Variants in ARHGAP15 observed in about 807,000 individuals in gnomAD.
ARHGAP15 encodes rho GTPase-activating protein 15.
In ARHGAP15, 51 loss-of-function variants were observed where a neutral mutation model predicts 63.7. The ratio of observed to expected loss-of-function variants is 0.80; its 90% confidence interval spans 0.64 to 1.01. ARHGAP15 has a LOEUF of 1.01. Among genes scored for constraint, ARHGAP15 ranks in the 50% least tolerant of loss-of-function variants. ARHGAP15 has a pLI of 0.00. For missense variants in ARHGAP15, 560 were observed against 564.6 expected, an observed-to-expected ratio of 0.99 and a Z score of 0.08; for synonymous variants, 191 against 193.8, an observed-to-expected ratio of 0.99 and a Z score of 0.12.
At chr2:143,232,490 A>C (rs903151922) in intron 5 of ARHGAP15, among the ~76,000 whole-genome samples, 1 of 152,174 alleles carries the variant, frequency 6.6e-6, no homozygotes, top group Non-Finnish European at 1.5e-5. Flanking sequence ...TTTTTAATGT[A>C]TTTTTATTTA....
intron 6 of ARHGAP15, among the ~76,000 whole-genome samples, chr2:143,339,916 T>A (rs1684980341): frequency 6.6e-6 from 1 of 152,192 alleles, no homozygotes; most frequent in South Asian, 2.1e-4. Flanking sequence ...CTCATACAAC[T>A]TTGTAGATGG....
intron 6 of ARHGAP15, among the ~76,000 whole-genome samples, chr2:143,333,096 C>G (rs1406158634): frequency 1.3e-5 from 2 of 151,718 alleles, no homozygotes; most frequent in Non-Finnish European, 2.9e-5. Flanking sequence ...AATTAAATAA[C>G]GAGCAGTTTA....
At chr2:143,728,396 G>C (rs540141695) in intron 13 of ARHGAP15, among the ~76,000 whole-genome samples, 1 of 152,104 alleles carries the variant, frequency 6.6e-6, no homozygotes, top group Non-Finnish European at 1.5e-5. Context: ...CTGAGCTAAC[G>C]GTAGCTGGTG....
At chr2:143,534,458 C>T (rs78686526) in intron 10 of ARHGAP15, among the ~76,000 whole-genome samples, 3 of 152,228 alleles carry the variant, frequency 2.0e-5, no homozygotes, top group South Asian at 2.1e-4. Flanking sequence ...GAGAGTGATA[C>T]GGTGAGAGAA....
At chr2:143,246,655 C>T (rs941343110) in intron 5 of ARHGAP15, among the ~76,000 whole-genome samples, 1 of 151,662 alleles carries the variant, frequency 6.6e-6, no homozygotes, top group Admixed American at 6.6e-5. Flanking sequence ...AGAGCGATAT[C>T]CTTGGAGGAG....
intron 5 of ARHGAP15, among the ~76,000 whole-genome samples, chr2:143,232,609 T>G (rs1693489779): frequency 6.6e-6 from 1 of 152,202 alleles, no homozygotes. Flanking sequence ...GCATAAGCAC[T>G]ACCCAGGATG....
At chr2:143,215,034 C>A (rs1692695115) in intron 3 of ARHGAP15, among the ~76,000 whole-genome samples, 2 of 152,124 alleles carry the variant, frequency 1.3e-5, no homozygotes, top group Admixed American at 6.6e-5. Flanking sequence ...CCAAAATATT[C>A]CAGAAGCTAG....
At chr2:143,735,507 G>A (rs773433758) in intron 13 of ARHGAP15, among the ~76,000 whole-genome samples, 9 of 152,158 alleles carry the variant, frequency 5.9e-5, no homozygotes, top group East Asian at 1.9e-4. Flanking sequence ...TCAGCTTAGC[G>A]TACTCAGGGG....
chr2:143,749,216 A>G (rs548541787), intron 13 of ARHGAP15, among the ~76,000 whole-genome samples: 265 of 152,294 alleles, frequency 1.7e-3, no homozygotes, highest in Non-Finnish European at 2.9e-3. Context: ...GTGGCCTCCA[A>G]TCGAAGGGCA....
At chr2:143,367,780 A>C (rs1181513099) in intron 6 of ARHGAP15, among the ~76,000 whole-genome samples, 1 of 152,034 alleles carries the variant, frequency 6.6e-6, no homozygotes, top group Non-Finnish European at 1.5e-5. Context: ...TGTATTTGTC[A>C]CAAACAGCAT....
intron 12 of ARHGAP15, among the ~76,000 whole-genome samples, chr2:143,660,954 C>G (rs1681736448): frequency 6.6e-6 from 1 of 152,192 alleles, no homozygotes; most frequent in African/African-American, 2.4e-5. Flanking sequence ...GGGTTAAAAT[C>G]AGAGTGTTCT....
At chr2:143,243,215 A>AAACTT (rs1435666440) in intron 5 of ARHGAP15, among the ~76,000 whole-genome samples, 1 of 152,206 alleles carries the variant, frequency 6.6e-6, no homozygotes, top group Non-Finnish European at 1.5e-5. Flanking sequence ...GAAAAATGGG[A>AAACTT]AACTTAATCC....
intron 6 of ARHGAP15, among the ~76,000 whole-genome samples, chr2:143,370,932 T>C (rs146525842): frequency 1.4e-4 from 21 of 152,338 alleles, no homozygotes; most frequent in African/African-American, 4.8e-4. Flanking sequence ...TGCTTAATCA[T>C]GACTTTTTTT....
At chr2:143,611,611 C>A (rs988224371) in intron 11 of ARHGAP15, among the ~76,000 whole-genome samples, 1 of 152,114 alleles carries the variant, frequency 6.6e-6, no homozygotes, top group African/African-American at 2.4e-5. Context: ...CACTTCTATG[C>A]TGATAATTTT....
At chr2:143,422,151 A>G (rs1042579450) in intron 6 of ARHGAP15, among the ~76,000 whole-genome samples, 13 of 152,156 alleles carry the variant, frequency 8.5e-5, no homozygotes, top group African/African-American at 3.1e-4. Context: ...TCAGTGAAAT[A>G]TGAATCCAAT....
chr2:143,177,188 C>A (rs772282811), intron 2 of ARHGAP15, among the ~76,000 whole-genome samples: 1 of 152,166 alleles, frequency 6.6e-6, no homozygotes, highest in Non-Finnish European at 1.5e-5. Context: ...ATCTGTGCAC[C>A]TTTGCCTCTC....
At chr2:143,174,578 G>A (rs1690935998) in intron 2 of ARHGAP15, among the ~76,000 whole-genome samples, 1 of 152,050 alleles carries the variant, frequency 6.6e-6, no homozygotes, top group Non-Finnish European at 1.5e-5. Flanking sequence ...GCATCTGTGT[G>A]CCTATAGGTT....
intron 5 of ARHGAP15, chr2:143,235,954 C>T: frequency 6.5e-7 from 1 of 1,546,446 alleles, no homozygotes; most frequent in Non-Finnish European, 8.7e-7. Context: ...AGAGCTTCTG[C>T]TTGATGTGTT....
At chr2:143,139,682 A>G (rs1302344051) in intron 1 of ARHGAP15, among the ~76,000 whole-genome samples, 1 of 152,162 alleles carries the variant, frequency 6.6e-6, no homozygotes, top group Admixed American at 6.6e-5. Context: ...TGAAGCATGG[A>G]GAAATTGAAT....
Sources: gnomAD v4.1 joint callset for allele counts (sites outside exome capture counted in the v4.1 genomes callset) on GRCh38, gnomAD v4.1.1 for gene constraint, MANE v1.5 for transcripts, NCBI Gene and HGNC (gene_info 2026-07-23, HGNC 2026-07-21) for gene names.